The following ANKRD30BL variants were observed in gnomAD, a reference collection of about 807,000 sequenced individuals.
ANKRD30BL encodes the protein putative ankyrin repeat domain-containing protein 30B-like.
In ANKRD30BL, 20 loss-of-function variants were observed where a neutral mutation model predicts 18.4. The ratio of observed to expected loss-of-function variants is 1.09; its 90% CI spans 0.77 to 1.58. ANKRD30BL has a LOEUF of 1.58. Among genes scored for constraint, ANKRD30BL ranks in the 40% most tolerant of loss-of-function variants. The probability of loss-of-function intolerance (pLI) is 0.00; values close to 1 mark genes in which losing one functional copy is unlikely to be tolerated. For synonymous variants in ANKRD30BL, 72 were observed against 100.9 expected, an observed-to-expected ratio of 0.71 and a Z score of 1.72; for missense variants, 224 against 268.6, an observed-to-expected ratio of 0.83 and a Z score of 1.16.
At chr2:132,203,781 C>A (rs1468633217) in intron 1 of ANKRD30BL, among the ~76,000 whole-genome samples, 2 of 151,968 alleles carry the variant, frequency 1.3e-5, no homozygotes, top group Non-Finnish European at 2.9e-5. Context: ...TTCTTTCTCA[C>A]AATAATTAAT....
At chr2:132,198,119 G>A (rs538150582) in intron 1 of ANKRD30BL, among the ~76,000 whole-genome samples, 20 of 151,886 alleles carry the variant, frequency 1.3e-4, no homozygotes, top group South Asian at 4.2e-4. Context: ...CATACACTGA[G>A]GGTGTCTTAT....
At chr2:132,161,467 G>A (rs888950315) in intron 1 of ANKRD30BL, 21 bp downstream of exon 1, 15 of 1,445,938 alleles carry the variant, frequency 1.0e-5, no homozygotes, top group Middle Eastern at 2.3e-4. Context: ...CTGCAGCCCC[G>A]GCTCAGGCAG....
At chr2:132,180,295 C>G (rs1201201396) in intron 1 of ANKRD30BL, among the ~76,000 whole-genome samples, 1 of 151,154 alleles carries the variant, frequency 6.6e-6, no homozygotes, top group Non-Finnish European at 1.5e-5. Context: ...CAGTTGCCTG[C>G]AGTATTTAGT....
intron 1 of ANKRD30BL, among the ~76,000 whole-genome samples, chr2:132,230,970 T>A (rs1450486719): frequency 6.6e-6 from 1 of 152,180 alleles, no homozygotes; most frequent in African/African-American, 2.4e-5. Flanking sequence ...GCAGCCTTCA[T>A]TGGAAACGGG....
intron 1 of ANKRD30BL, among the ~76,000 whole-genome samples, chr2:132,252,571 C>T (rs79163429): frequency 3.3e-5 from 5 of 151,936 alleles, no homozygotes; most frequent in Non-Finnish European, 5.9e-5. Flanking sequence ...GCGAGGAGGA[C>T]GGTGCCTCAG....
chr2:132,161,053 T>G (rs1455462378), intron 1 of ANKRD30BL, among the ~76,000 whole-genome samples: 2 of 142,696 alleles, frequency 1.4e-5, no homozygotes, highest in African/African-American at 2.7e-5. Flanking sequence ...TCCAAAAAAT[T>G]TTTAGCCAAG....
chr2:132,188,180 A>G (rs10174221), intron 1 of ANKRD30BL, among the ~76,000 whole-genome samples: 6,338 of 151,786 alleles, frequency 0.042, 451 homozygotes, highest in African/African-American at 0.15. Context: ...TTAGACGCAG[A>G]GGCATACTGT....
At chr2:132,227,568 C>G (rs1472204897) in intron 1 of ANKRD30BL, among the ~76,000 whole-genome samples, 3 of 151,624 alleles carry the variant, frequency 2.0e-5, no homozygotes, top group Non-Finnish European at 4.4e-5. Flanking sequence ...ATCTAGACAG[C>G]AGCATTCTCA....
intron 1 of ANKRD30BL, among the ~76,000 whole-genome samples, chr2:132,215,410 C>A (rs1257997695): frequency 2.0e-5 from 3 of 152,220 alleles, no homozygotes; most frequent in Non-Finnish European, 2.9e-5. Context: ...TATGTGCATT[C>A]ATCTCACAGA....
At chr2:132,200,377 T>C (rs1358469962) in intron 1 of ANKRD30BL, among the ~76,000 whole-genome samples, 5 of 152,150 alleles carry the variant, frequency 3.3e-5, no homozygotes, top group Admixed American at 2.6e-4. Flanking sequence ...GATGACATGA[T>C]TGTATGTCTA....
intron 5 of ANKRD30BL, among the ~76,000 whole-genome samples, chr2:132,149,190 C>T (rs12620179): frequency 0.089 from 13,544 of 151,932 alleles, 1,152 homozygotes; most frequent in African/African-American, 0.24. Context: ...ATTTAGGTAT[C>T]ACAGTAGCAC....
intron 1 of ANKRD30BL, among the ~76,000 whole-genome samples, chr2:132,193,846 T>G (rs1178972941): frequency 6.6e-6 from 1 of 151,466 alleles, no homozygotes; most frequent in Admixed American, 6.6e-5. Flanking sequence ...TTCTCATCAC[T>G]GCAGCTCTGG....
At chr2:132,178,685 G>A (rs536386160) in intron 1 of ANKRD30BL, among the ~76,000 whole-genome samples, 149 of 152,132 alleles carry the variant, frequency 9.8e-4, no homozygotes, top group African/African-American at 3.3e-3. Flanking sequence ...AGAAAGGTTA[G>A]TTGTATCAAA....
intron 1 of ANKRD30BL, among the ~76,000 whole-genome samples, chr2:132,167,078 A>G (rs1688199221): frequency 6.7e-6 from 1 of 150,358 alleles, no homozygotes; most frequent in Admixed American, 6.6e-5. Flanking sequence ...TATTTGAAAA[A>G]TTTTTCAATT....
rs1340738004 is a variant in ANKRD30BL at position 132,253,857 on chromosome 2, G to A, written n.441+3672C>T. The stretch of plus-strand genomic sequence containing the variant: ...TACCCTCGAGACCCCCTAGCGGGAA[G>A]GCTGGGGAGAGCAAGCGGGCCGGGC... On this transcript the variant is annotated intron_variant and non_coding_transcript_variant, in intron 1 of 4. Transcript: ENST00000470729. Among the ~76,000 whole-genome samples, 5 of 152,142 alleles carry A rather than the reference G, an allele frequency of 3.3e-5. No homozygotes were observed. The East Asian group carries it at 9.7e-4, about 30-fold the overall frequency.
At chr2:132,255,282 T>A (rs1680798736) in intron 1 of ANKRD30BL, among the ~76,000 whole-genome samples, 1 of 152,074 alleles carries the variant, frequency 6.6e-6, no homozygotes, top group South Asian at 2.1e-4. Context: ...CCCCCGGCCG[T>A]CCCTCTTAAT....
At chr2:132,222,645 A>G (rs7570530) in intron 1 of ANKRD30BL, among the ~76,000 whole-genome samples, 16,429 of 151,690 alleles carry the variant, frequency 0.11, 2,964 homozygotes, top group African/African-American at 0.38. Context: ...CAGCATGCTC[A>G]TTAAGAGTCA....
intron 1 of ANKRD30BL, among the ~76,000 whole-genome samples, chr2:132,235,429 C>A (rs1053027428): frequency 6.6e-6 from 1 of 152,032 alleles, no homozygotes; most frequent in African/African-American, 2.4e-5. Context: ...GATTGTATAT[C>A]TAGAAAACCC....
At chr2:132,220,971 G>A (rs1027324488) in intron 1 of ANKRD30BL, among the ~76,000 whole-genome samples, 48 of 151,242 alleles carry the variant, frequency 3.2e-4, no homozygotes, top group Admixed American at 2.6e-4. Flanking sequence ...GTCTCTGCCC[G>A]GCCGCCCATC....
Sources: allele counts gnomAD v4.1 joint callset (sites outside exome capture counted in the v4.1 genomes callset), GRCh38; gene constraint gnomAD v4.1.1; transcripts MANE v1.5; gene names NCBI Gene and HGNC (gene_info 2026-07-23, HGNC 2026-07-21).